GABRG3: variants seen among roughly 807,000 people sequenced by gnomAD.
GABRG3 encodes the protein gamma-aminobutyric acid type A receptor subunit gamma3.
Under a neutral mutation model 48.8 loss-of-function variants are expected in GABRG3, and 25 were observed. That is an observed-to-expected ratio of 0.51 (90% confidence interval 0.37 to 0.72). The LOEUF is 0.72. Among genes scored for constraint, GABRG3 ranks in the 30% least tolerant of loss-of-function variants. The pLI is 0.00. For missense variants in GABRG3, 394 were observed against 577.9 expected (o/e 0.68, Z 3.26); for synonymous variants, 227 against 217.6 (o/e 1.04, Z -0.38).
Position 27,352,738 on chromosome 15 carries a change from C to A in GABRG3, c.574+23850C>A, listed in dbSNP as rs1894666854. Among the ~76,000 whole-genome samples, 4 of 152,118 alleles carry A rather than the reference C, an allele frequency of 2.6e-5. No individual in the cohort carries two copies. The highest frequency in any genetic ancestry group is 2.0e-4 in the Admixed American group (3 of 15,278). On this transcript the variant is annotated intron_variant, in intron 5 of 9. Transcript: ENST00000615808. This position sits in a 1 kb window ranked among gnomAD's most constrained non-coding sequence, Gnocchi z 4.0. ...TGTGCTTGAGAAAGGAGCTCAGTGTCTTCCCCATATGCCACGTTTCACGCA... is the reference window on the plus strand; with the variant it reads ...TGTGCTTGAGAAAGGAGCTCAGTGTATTCCCCATATGCCACGTTTCACGCA...
At chr15:27,517,644 C>T (rs1891054569) in intron 6 of GABRG3, among the ~76,000 whole-genome samples, 1 of 152,164 alleles carries the variant, frequency 6.6e-6, no homozygotes, top group South Asian at 2.1e-4. Flanking sequence ...CTCTGCATAA[C>T]TCCTAGGGTG....
At chr15:27,192,494 C>A (rs998263178) in intron 3 of GABRG3, among the ~76,000 whole-genome samples, 1 of 152,180 alleles carries the variant, frequency 6.6e-6, no homozygotes, top group Non-Finnish European at 1.5e-5. Flanking sequence ...ATCGCTGATA[C>A]CCTTTCTTCC....
chr15:27,482,107 A>G (rs953054048), intron 6 of GABRG3, among the ~76,000 whole-genome samples: 4 of 152,204 alleles, frequency 2.6e-5, no homozygotes, highest in Non-Finnish European at 5.9e-5. Context: ...AAAAGTGGCA[A>G]ATAGAAGGAG....
intron 3 of GABRG3, among the ~76,000 whole-genome samples, chr15:27,114,831 C>G (rs1449222972): frequency 6.6e-6 from 1 of 151,710 alleles, no homozygotes; most frequent in African/African-American, 2.4e-5. Flanking sequence ...CCCTTCCATT[C>G]TAGCACAGAA....
intron 5 of GABRG3, among the ~76,000 whole-genome samples, chr15:27,460,051 C>A (rs1361402119): frequency 6.6e-6 from 1 of 152,080 alleles, no homozygotes; most frequent in Admixed American, 6.6e-5. Flanking sequence ...TACTCGAAGG[C>A]CATGTCTCTG....
intron 7 of GABRG3, among the ~76,000 whole-genome samples, chr15:27,523,784 T>A (rs1891212368): frequency 1.3e-5 from 2 of 151,784 alleles, no homozygotes; most frequent in African/African-American, 4.8e-5. Flanking sequence ...CAGTGAACCA[T>A]GAGATAGAAC....
chr15:27,090,141 G>A lies in GABRG3; in HGVS notation c.270+63320G>A, dbSNP rs566610910. On this transcript the variant is annotated intron_variant, in intron 3 of 9. Transcript: ENST00000615808. Reference sequence around the variant, plus strand: ...CGCTCAGTAGAAACCATACTTTTGAGTACCCACATAACCATACTGTTTTTC... The same window carrying A: ...CGCTCAGTAGAAACCATACTTTTGAATACCCACATAACCATACTGTTTTTC... 4.6e-5 allele frequency among the ~76,000 whole-genome samples: 7 copies of A among 152,208 alleles called. No homozygotes were observed. The South Asian group carries it at 1.5e-3, about 32-fold the overall frequency.
chr15:27,416,345 G>A (rs1315087796), intron 5 of GABRG3, among the ~76,000 whole-genome samples: 1 of 152,110 alleles, frequency 6.6e-6, no homozygotes, highest in Admixed American at 6.5e-5. Flanking sequence ...TGGGATGCAT[G>A]GCCTTTGGTG....
chr15:27,055,620 A>G (rs1435632068), intron 3 of GABRG3, among the ~76,000 whole-genome samples: 1 of 152,226 alleles, frequency 6.6e-6, no homozygotes, highest in Non-Finnish European at 1.5e-5. Context: ...TTCAGGCTAC[A>G]TGCATAAGGT....
At chr15:27,139,945 T>G (rs996160593) in intron 3 of GABRG3, among the ~76,000 whole-genome samples, 6 of 152,128 alleles carry the variant, frequency 3.9e-5, no homozygotes, top group Admixed American at 2.0e-4. Flanking sequence ...TAGTGAAGTT[T>G]CCATAAAAAC....
intron 3 of GABRG3, among the ~76,000 whole-genome samples, chr15:27,311,457 C>G (rs552159827): frequency 2.6e-5 from 4 of 152,200 alleles, no homozygotes; most frequent in African/African-American, 9.6e-5. Flanking sequence ...GCTGATGCAC[C>G]TGCATCATCT....
intron 5 of GABRG3, among the ~76,000 whole-genome samples, chr15:27,400,977 G>A (rs1017699095): frequency 6.6e-6 from 1 of 152,074 alleles, no homozygotes; most frequent in Non-Finnish European, 1.5e-5. Context: ...GAATTTGGAG[G>A]GAATCTTTGA....
intron 5 of GABRG3, among the ~76,000 whole-genome samples, chr15:27,412,440 A>G (rs572465986): frequency 6.6e-6 from 1 of 152,340 alleles, no homozygotes; most frequent in South Asian, 2.1e-4. Flanking sequence ...TACCAGATGT[A>G]ACCTTTTCGA....
intron 2 of GABRG3, among the ~76,000 whole-genome samples, chr15:27,005,934 A>G (rs1895575542): frequency 6.6e-6 from 1 of 152,198 alleles, no homozygotes. Flanking sequence ...AACTTGATAT[A>G]TATGTTCACC....
At chr15:27,088,902 A>G (rs961784155) in intron 3 of GABRG3, among the ~76,000 whole-genome samples, 2 of 151,926 alleles carry the variant, frequency 1.3e-5, no homozygotes, top group Non-Finnish European at 2.9e-5. Flanking sequence ...GGGGAGATGC[A>G]TGGGGAGGAT....
intron 3 of GABRG3, among the ~76,000 whole-genome samples, chr15:27,156,314 A>G (rs1354923678): frequency 2.0e-5 from 3 of 151,690 alleles, no homozygotes; most frequent in South Asian, 4.2e-4. Context: ...AAAAAAAAAA[A>G]AAAAAAAGAA....
At chr15:27,027,396 T>A (rs1293468463) in intron 3 of GABRG3, among the ~76,000 whole-genome samples, 1 of 152,218 alleles carries the variant, frequency 6.6e-6, no homozygotes, top group Non-Finnish European at 1.5e-5. Context: ...CAAGCAGGCC[T>A]GTCTATTGCA....
At chr15:27,080,730 T>C (rs1896978815) in intron 3 of GABRG3, among the ~76,000 whole-genome samples, 1 of 152,262 alleles carries the variant, frequency 6.6e-6, no homozygotes. Context: ...GCCACAGTTA[T>C]GGCCCTCTGT....
chr15:27,101,027 C>T (rs1897346952), intron 3 of GABRG3, among the ~76,000 whole-genome samples: 1 of 152,106 alleles, frequency 6.6e-6, no homozygotes, highest in Non-Finnish European at 1.5e-5. Flanking sequence ...AAATAAGTGT[C>T]CTGATTTACA....
Sources: allele counts gnomAD v4.1 joint callset (sites outside exome capture counted in the v4.1 genomes callset), GRCh38; gene constraint gnomAD v4.1.1; non-coding constraint Gnocchi (gnomAD v3.1); transcripts MANE v1.5; gene names NCBI Gene and HGNC (gene_info 2026-07-23, HGNC 2026-07-21).